EMILIN2: variants seen among roughly 807,000 people sequenced by gnomAD.
EMILIN2 encodes elastin microfibril interfacer 2, also known as EMILIN-2.
In EMILIN2, 71 loss-of-function variants were observed where a neutral mutation model predicts 87.1. The observed-to-expected ratio is 0.82, with a 90% CI of 0.67 to 0.99. The LOEUF is 0.99. EMILIN2 is among the 50% of genes least tolerant of loss of function. The probability of loss-of-function intolerance (pLI) is 0.00; values close to 1 mark genes in which losing one functional copy is unlikely to be tolerated. For synonymous variants in EMILIN2, 581 were observed against 563.4 expected, an observed-to-expected ratio of 1.03 and a Z score of -0.44; for missense variants, 1,407 against 1,371.8, an observed-to-expected ratio of 1.03 and a Z score of -0.40.
At chr18:2,888,320 C>T (rs1274765856) in intron 3 of EMILIN2, among the ~76,000 whole-genome samples, 1 of 152,214 alleles carries the variant, frequency 6.6e-6, no homozygotes, top group East Asian at 1.9e-4. Context: ...CTTACATCCT[C>T]AATCTTCCCC....
chr18:2,887,603 C>T (rs540000180), intron 3 of EMILIN2, among the ~76,000 whole-genome samples: 149 of 152,232 alleles, frequency 9.8e-4, no homozygotes, highest in Middle Eastern at 3.4e-3. Context: ...CTCTTTTCAC[C>T]TTCCGTCATG....
In EMILIN2 at chr18:2,890,179, G is replaced by A. The variant is rs2076827317; in HGVS notation, c.434-382G>A. Reference sequence around the variant, plus strand: ...TGCAGTTCACTAATATGGGAATGAAGTGTTCATATGATAAAGCGGATAATG... The same window carrying A: ...TGCAGTTCACTAATATGGGAATGAAATGTTCATATGATAAAGCGGATAATG... On this transcript the variant is annotated intron_variant, in intron 3 of 7. Transcript: ENST00000254528. The surrounding 1 kb of genome is among the most constrained non-coding windows in gnomAD (Gnocchi z 4.7). 6.6e-6 allele frequency among the ~76,000 whole-genome samples: 1 copy of A among 152,216 alleles called. No homozygotes were observed. The highest frequency in any genetic ancestry group is 2.4e-5 in the African/African-American group (1 of 41,460).
At chr18:2,862,943 G>C (rs1053623846) in intron 2 of EMILIN2, among the ~76,000 whole-genome samples, 1 of 152,186 alleles carries the variant, frequency 6.6e-6, no homozygotes, top group Non-Finnish European at 1.5e-5. Flanking sequence ...TCCTGGTTTA[G>C]TCTTGGGAGG....
intron 2 of EMILIN2, among the ~76,000 whole-genome samples, chr18:2,884,681 T>G (rs1568469941): frequency 1.3e-5 from 2 of 152,192 alleles, no homozygotes; most frequent in Non-Finnish European, 2.9e-5. Flanking sequence ...CCTTCTCAAA[T>G]GGGAGTCTTG....
At chr18:2,908,127 T>G (rs2076923477) in intron 5 of EMILIN2, among the ~76,000 whole-genome samples, 1 of 152,332 alleles carries the variant, frequency 6.6e-6, no homozygotes, top group Middle Eastern at 3.4e-3. Flanking sequence ...TAAGCAGATG[T>G]CCTGCATTTT....
At position 2,913,486 on chromosome 18, in the gene EMILIN2, A is replaced by C. The variant is rs1344904934; in HGVS notation, c.*82A>C. The C allele has an allele frequency of 8.6e-7, 1 of 1,168,148 alleles. No individual in the cohort carries two copies. The highest frequency in any genetic ancestry group is 2.5e-5 in the East Asian group (1 of 40,508). The allele number at this position is 1,168,148 out of a possible 1,614,324, so 72.4% of individuals were successfully genotyped here. On this transcript the variant is annotated 3_prime_UTR_variant, in exon 8 of 8. Coordinates refer to ENST00000254528, the MANE Select transcript of EMILIN2 (RefSeq NM_032048.3). ...AATATATTCGGTTTGTATGTAATGGAAGCACGGGGCTAGAGTTTCCACATA... is the reference window on the plus strand; with the variant it reads ...AATATATTCGGTTTGTATGTAATGGCAGCACGGGGCTAGAGTTTCCACATA...
At chr18:2,901,266 C>T (rs925374992) in intron 4 of EMILIN2, among the ~76,000 whole-genome samples, 5 of 152,210 alleles carry the variant, frequency 3.3e-5, no homozygotes, top group African/African-American at 9.6e-5. Flanking sequence ...ACCCTTTCCC[C>T]AGGTCTCCTC....
chr18:2,906,077 G>A (rs888818921), intron 4 of EMILIN2: 1 of 152,354 alleles, frequency 6.6e-6, no homozygotes, highest in Admixed American at 6.5e-5. Flanking sequence ...GGCGTTTCTT[G>A]GCGAGCGGGT....
At chr18:2,885,894 A>T (rs952680756) in intron 3 of EMILIN2, among the ~76,000 whole-genome samples, 1 of 152,230 alleles carries the variant, frequency 6.6e-6, no homozygotes, top group Admixed American at 6.5e-5. Context: ...TTAAATGATT[A>T]TATTTTGCCA....
intron 4 of EMILIN2, among the ~76,000 whole-genome samples, chr18:2,900,398 G>T (rs368190977): frequency 6.6e-6 from 1 of 152,120 alleles, no homozygotes; most frequent in South Asian, 2.1e-4. Flanking sequence ...TATGTTGAAA[G>T]GCTGGTCTTG....
chr18:2,889,814 C>T lies in EMILIN2; in HGVS notation c.434-747C>T, dbSNP rs553462004. On this transcript the variant is annotated intron_variant, in intron 3 of 7. Transcript: ENST00000254528. Reference sequence around the variant, plus strand: ...AGTAACTGAGACTACAGGCACACACCACCTCCCTGACCAGCTTTCAATATT... The same window carrying T: ...AGTAACTGAGACTACAGGCACACACTACCTCCCTGACCAGCTTTCAATATT... Among the ~76,000 whole-genome samples the T allele has an allele frequency of 2.6e-5, 4 of 151,754 alleles. No homozygotes were observed. The East Asian group carries it at 7.8e-4, about 29-fold the overall frequency.
Position 2,915,318 on chromosome 18 carries a change from CAGG to C in EMILIN2, c.*1915_*1917del, listed in dbSNP as rs1267926023. ...TCTACTTTGAGATAAAGCTGGATGA[CAGG>C]TGGATCCTGGCCCACTTAGGAGACA... is the stretch of plus-strand genomic sequence containing the variant. On this transcript the variant is annotated 3_prime_UTR_variant, in exon 8 of 8. Transcript: ENST00000254528. 2 of 152,208 alleles carry C rather than the reference CAGG, an allele frequency of 1.3e-5. No homozygotes were observed. The highest frequency in any genetic ancestry group is 3.8e-4 in the East Asian group (2 of 5,196). 9.4% of individuals were successfully genotyped at this position (152,208 alleles called of 1,614,324 possible).
intron 2 of EMILIN2, among the ~76,000 whole-genome samples, chr18:2,865,925 C>T (rs2143979282): frequency 6.6e-6 from 1 of 152,368 alleles, no homozygotes. Context: ...GCCCCTCCCC[C>T]AGCCTCACTG....
In EMILIN2 at chr18:2,892,138, G is replaced by C; in HGVS notation, c.2011G>C (p.Glu671Gln). ...HPVAHCCSQL[E>Q]ERWQRLQSQV... ...CGTGGCTCATTGCTGCAGTCAGCTGGAGGAGAGGTGGCAGAGGTTGCAGAG... is the reference window on the plus strand; with the variant it reads ...CGTGGCTCATTGCTGCAGTCAGCTGCAGGAGAGGTGGCAGAGGTTGCAGAG... Residue 671 changes from glutamate to glutamine, a missense_variant, in exon 4 of 8, where the codon GAG (glutamate) becomes CAG (glutamine). Glu to Gln is a conservative substitution (Grantham distance 29, BLOSUM62 2). Transcript: ENST00000254528. The C allele has an allele frequency of 6.2e-7, 1 of 1,609,790 alleles. No homozygotes were observed. The highest frequency in any genetic ancestry group is 8.5e-7 in the Non-Finnish European group (1 of 1,176,972).
chr18:2,899,319 G>A (rs1422118185), intron 4 of EMILIN2, among the ~76,000 whole-genome samples: 1 of 152,148 alleles, frequency 6.6e-6, no homozygotes, highest in Non-Finnish European at 1.5e-5. Flanking sequence ...ACCACTGACT[G>A]ACACTGCGCC....
At chr18:2,874,736 C>A (rs1280230015) in intron 2 of EMILIN2, among the ~76,000 whole-genome samples, 1 of 152,146 alleles carries the variant, frequency 6.6e-6, no homozygotes, top group Non-Finnish European at 1.5e-5. Context: ...TAAATTAGAA[C>A]AGAAATATAA....
At chr18:2,907,907 T>C (rs1331362763) in intron 5 of EMILIN2, among the ~76,000 whole-genome samples, 1 of 152,180 alleles carries the variant, frequency 6.6e-6, no homozygotes, top group Non-Finnish European at 1.5e-5. Context: ...CCCCTCTGAG[T>C]CAGACCAGGC....
At chr18:2,869,768 CTGTGTG>C (rs137882349) in intron 2 of EMILIN2, among the ~76,000 whole-genome samples, 17 of 143,916 alleles carry the variant, frequency 1.2e-4, no homozygotes, top group Non-Finnish European at 1.5e-5. Flanking sequence ...ATAGATTCCT[CTGTGTG>C]TGTGTGTGTG....
rs992243718 is a variant in EMILIN2, at chr18:2,880,072, G to C, written c.258-4892G>C. 6.6e-6 allele frequency among the ~76,000 whole-genome samples: 1 copy of C among 152,164 alleles called. No homozygotes were observed. Among genetic ancestry groups the C allele is most frequent in the Non-Finnish European group, 1.5e-5 (1 of 68,032 alleles). ...AAACCAACAGGAATTCTATCCTCAT[G>C]GGGCTTACAGTCTGGCAGGGAGGAC... On this transcript the variant is annotated intron_variant, in intron 2 of 7. Coordinates refer to ENST00000254528, the MANE Select transcript of EMILIN2 (RefSeq NM_032048.3). The surrounding 1 kb of genome is among the most constrained non-coding windows in gnomAD (Gnocchi z 4.1).
Sources: gnomAD v4.1 joint callset for allele counts (sites outside exome capture counted in the v4.1 genomes callset) on GRCh38, gnomAD v4.1.1 for gene constraint, Gnocchi (gnomAD v3.1) non-coding constraint, MANE v1.5 for transcripts, NCBI Gene and HGNC (gene_info 2026-07-23, HGNC 2026-07-21) for gene names.